Variants in UBE2W observed in about 807,000 individuals in gnomAD.
UBE2W encodes ubiquitin conjugating enzyme E2 W, also known as ubiquitin-conjugating enzyme E2 W.
A neutral mutation model predicts 27.2 loss-of-function variants in UBE2W; 18 were observed. The observed-to-expected ratio is 0.66, with a 90% CI of 0.46 to 0.98. The LOEUF (loss-of-function observed/expected upper bound fraction) is 0.98. UBE2W is among the 50% of genes least tolerant of loss of function. The pLI, the probability that UBE2W is intolerant of heterozygous loss-of-function variation, is 0.00. For synonymous variants in UBE2W, 53 were observed against 57.2 expected (o/e 0.93, Z 0.33); for missense variants, 90 against 180.2 (o/e 0.50, Z 2.87).
chr8:73,811,172 T>C (rs1809135629), intron 3 of UBE2W, among the ~76,000 whole-genome samples: 1 of 152,178 alleles, frequency 6.6e-6, no homozygotes, highest in African/African-American at 2.4e-5. Flanking sequence ...TACAAGTTAC[T>C]AGCTGTTAAT....
chr8:73,782,138 G>A (rs961906041), downstream of UBE2W, among the ~76,000 whole-genome samples: 20 of 151,484 alleles, frequency 1.3e-4, no homozygotes, highest in South Asian at 4.2e-4. Flanking sequence ...TAGAAGAGAC[G>A]GTGTTCCACC....
chr8:73,813,589 C>T (rs1424959029), intron 3 of UBE2W, among the ~76,000 whole-genome samples: 2 of 152,168 alleles, frequency 1.3e-5, no homozygotes, highest in African/African-American at 4.8e-5. Flanking sequence ...AGGGCCTAAC[C>T]TGCCAGATAC....
chr8:73,801,594 AT>A (rs1808647664), intron 5 of UBE2W, among the ~76,000 whole-genome samples: 1 of 152,338 alleles, frequency 6.6e-6, no homozygotes, highest in East Asian at 1.9e-4. Flanking sequence ...GTTTGTCAAT[AT>A]TCCTAATTGG....
chr8:73,799,636 A>G (rs965811826), intron 5 of UBE2W, among the ~76,000 whole-genome samples: 3 of 152,214 alleles, frequency 2.0e-5, no homozygotes, highest in African/African-American at 7.2e-5. Flanking sequence ...TAGATCTGAC[A>G]AACACTGACT....
downstream of UBE2W, among the ~76,000 whole-genome samples, chr8:73,784,452 C>T (rs1004541031): frequency 3.9e-5 from 6 of 152,218 alleles, no homozygotes; most frequent in Admixed American, 3.3e-4. Context: ...CATATCAGAT[C>T]ATGTCAAACT....
intron 1 of UBE2W, among the ~76,000 whole-genome samples, chr8:73,848,181 A>G (rs570094390): frequency 1.3e-5 from 2 of 152,300 alleles, no homozygotes; most frequent in East Asian, 1.9e-4. Context: ...AGCCTGGGAA[A>G]AACTGTGTCT....
intron 3 of UBE2W, among the ~76,000 whole-genome samples, chr8:73,814,501 A>G (rs1809304886): frequency 6.6e-6 from 1 of 152,166 alleles, no homozygotes; most frequent in Non-Finnish European, 1.5e-5. Flanking sequence ...TACATGAATC[A>G]AGTTTGAAGT....
rs199934850 is a variant in UBE2W, at chr8:73,806,855, G to GA, written c.367-1130dup. Reference sequence around the variant, plus strand: ...TTCAGTTTCTAAACAATATTTAAGAGAAAAAATGGGAAAAATATATATTGG... The same window carrying GA: ...TTCAGTTTCTAAACAATATTTAAGAGAAAAAAATGGGAAAAATATATATTGG... On this transcript the variant is annotated intron_variant, in intron 4 of 5. Coordinates refer to ENST00000602593, the MANE Select transcript of UBE2W (RefSeq NM_018299.6). 9.7e-3 allele frequency among the ~76,000 whole-genome samples: 1,470 copies of GA among 152,232 alleles called. 21 individuals are homozygous for GA. Among genetic ancestry groups the GA allele is most frequent in the African/African-American group, 0.033 (1,384 of 41,526 alleles).
chr8:73,837,285 G>A (rs1214167427), intron 1 of UBE2W, among the ~76,000 whole-genome samples: 1 of 152,240 alleles, frequency 6.6e-6, no homozygotes, highest in Non-Finnish European at 1.5e-5. Flanking sequence ...GGCCGAGGCA[G>A]GTGCATCACC....
intron 1 of UBE2W, among the ~76,000 whole-genome samples, chr8:73,840,743 G>C (rs1490862846): frequency 6.6e-6 from 1 of 152,034 alleles, no homozygotes; most frequent in African/African-American, 2.4e-5. Flanking sequence ...TCAACTCTCC[G>C]ATACTCAGGT....
intron 3 of UBE2W, among the ~76,000 whole-genome samples, chr8:73,813,882 C>A (rs775461385): frequency 1.4e-4 from 21 of 151,816 alleles, no homozygotes; most frequent in Non-Finnish European, 2.5e-4. Flanking sequence ...CCTCCACCTG[C>A]CACCACACCC....
At chr8:73,814,199 G>C (rs1026719815) in intron 3 of UBE2W, among the ~76,000 whole-genome samples, 5 of 152,138 alleles carry the variant, frequency 3.3e-5, no homozygotes, top group African/African-American at 1.2e-4. Context: ...CAGTCAAGTA[G>C]TTTCTACAAA....
intron 3 of UBE2W, among the ~76,000 whole-genome samples, chr8:73,818,049 T>C (rs73338457): frequency 0.034 from 5,186 of 152,280 alleles, 262 homozygotes; most frequent in African/African-American, 0.11. Flanking sequence ...ATAAACTCTT[T>C]TTGTCCTTTA....
chr8:73,839,726 GTTTTTTTTT>G (rs149185338), intron 1 of UBE2W, among the ~76,000 whole-genome samples: 2 of 123,136 alleles, frequency 1.6e-5, no homozygotes, highest in African/African-American at 6.3e-5. Context: ...TTCTTTTTTG[GTTTTTTTTT>G]TTTTTTTTTT....
At chr8:73,824,951 T>C (rs1809773836) in intron 3 of UBE2W, among the ~76,000 whole-genome samples, 196 bp downstream of exon 3, 1 of 152,240 alleles carries the variant, frequency 6.6e-6, no homozygotes, top group African/African-American at 2.4e-5. Context: ...GAAACAATTT[T>C]AGAAGCAAAA....
At chr8:73,805,874 T>A (rs888512554) in intron 4 of UBE2W, 148 bp from the exon 5 acceptor site, 75 of 467,546 alleles carry the variant, frequency 1.6e-4, no homozygotes, top group Non-Finnish European at 2.8e-4. Context: ...ACTATAAATG[T>A]ATTCCAGGAA....
chr8:73,786,541 AG>A lies in UBE2W; in HGVS notation c.*7560del, dbSNP rs1807964201. The A allele has an allele frequency of 5.1e-6, 5 of 985,372 alleles. No homozygotes were observed. Among genetic ancestry groups the A allele is most frequent in the Non-Finnish European group, 6.0e-6 (5 of 829,952 alleles). 61.0% of individuals were successfully genotyped at this position (985,372 alleles called of 1,614,324 possible). On this transcript the variant is annotated 3_prime_UTR_variant, in exon 6 of 6. Transcript: ENST00000602593. Reference sequence around the variant, plus strand: ...TAGATGACTGGTAGGGAGAGAAGAAAGGACAAGGATGATAACCTTTCAGCTA... The same window carrying A: ...TAGATGACTGGTAGGGAGAGAAGAAAGACAAGGATGATAACCTTTCAGCTA...
chr8:73,874,380 C>A (rs11774020), intron 1 of UBE2W, among the ~76,000 whole-genome samples: 173 of 152,196 alleles, frequency 1.1e-3, no homozygotes, highest in Middle Eastern at 6.8e-3. Context: ...TGCAGTGAGC[C>A]GAGATCGCAC....
intron 3 of UBE2W, among the ~76,000 whole-genome samples, chr8:73,824,496 TAGG>T (rs1809748650): frequency 6.6e-6 from 1 of 152,200 alleles, no homozygotes; most frequent in Non-Finnish European, 1.5e-5. Context: ...CCATCTGACC[TAGG>T]AGAAGTGCCT....
Sources: allele counts gnomAD v4.1 joint callset (sites outside exome capture counted in the v4.1 genomes callset), GRCh38; gene constraint gnomAD v4.1.1; transcripts MANE v1.5; gene names NCBI Gene and HGNC (gene_info 2026-07-23, HGNC 2026-07-21).